The following WWOX variants were observed in gnomAD, a reference collection of about 807,000 sequenced individuals.
WWOX encodes WW domain containing oxidoreductase.
In WWOX, 69 loss-of-function variants were observed where a neutral mutation model predicts 46.2. The observed-to-expected ratio is 1.49, with a 90% CI of 1.23 to 1.82. The LOEUF (loss-of-function observed/expected upper bound fraction) is 1.82. Ranked by LOEUF, WWOX falls within the 40% of genes most tolerant of loss-of-function variation. The pLI is 0.00. For missense variants in WWOX, 919 were observed against 542.6 expected (o/e 1.69, Z -6.89); for synonymous variants, 359 against 202.6 (o/e 1.77, Z -6.56).
At chr16:78,206,192 A>G (rs1208147759) in intron 5 of WWOX, among the ~76,000 whole-genome samples, 2 of 152,160 alleles carry the variant, frequency 1.3e-5, no homozygotes, top group African/African-American at 2.4e-5. Flanking sequence ...AGTATGATAT[A>G]ATAACAGCTA....
At chr16:78,955,690 G>A (rs954249389) in intron 8 of WWOX, among the ~76,000 whole-genome samples, 4 of 148,106 alleles carry the variant, frequency 2.7e-5, no homozygotes, top group Non-Finnish European at 5.9e-5. Context: ...TTGCTCTATT[G>A]CCCAGGCTGG....
chr16:78,623,524 A>G (rs1597362912), intron 8 of WWOX, among the ~76,000 whole-genome samples: 1 of 152,108 alleles, frequency 6.6e-6, no homozygotes, highest in South Asian at 2.1e-4. Flanking sequence ...TACTAAAAAT[A>G]CAAAAATCAG....
chr16:78,777,091 A>T (rs1242500085), intron 8 of WWOX, among the ~76,000 whole-genome samples: 1 of 152,210 alleles, frequency 6.6e-6, no homozygotes, highest in African/African-American at 2.4e-5. Context: ...AATGAAGTTT[A>T]GGTCAGAAAA....
chr16:78,580,056 G>C (rs913940558), intron 8 of WWOX, among the ~76,000 whole-genome samples: 1 of 151,138 alleles, frequency 6.6e-6, no homozygotes, highest in Non-Finnish European at 1.5e-5. Flanking sequence ...CATGTTTGCT[G>C]TTTTCTTTGA....
rs1261372019 is a variant in WWOX, at chr16:78,342,775, G to C, written c.517-44085G>C. On this transcript the variant is annotated intron_variant, in intron 5 of 8. Coordinates refer to ENST00000566780, the MANE Select transcript of WWOX (RefSeq NM_016373.4). ...GGTTTGAAAGGGTACCTAAAAACAA[G>C]CCACCAGATTGTCCCATTCCACTAT... Among the ~76,000 whole-genome samples, 5 of 120,682 alleles carry C rather than the reference G, an allele frequency of 4.1e-5. 2 individuals are homozygous for C. The highest frequency in any genetic ancestry group is 4.0e-5 in the Non-Finnish European group (2 of 50,442). The allele number at this position is 120,682 out of a possible 152,430, so 79.2% of individuals were successfully genotyped here.
At chr16:78,431,843 A>T (rs939668222) in intron 7 of WWOX, among the ~76,000 whole-genome samples, 1 of 151,848 alleles carries the variant, frequency 6.6e-6, no homozygotes, top group African/African-American at 2.4e-5. Context: ...CAGCCCCCCA[A>T]GTAGCTGGGA....
At chr16:78,907,079 C>G (rs2044984542) in intron 8 of WWOX, among the ~76,000 whole-genome samples, 1 of 151,952 alleles carries the variant, frequency 6.6e-6, no homozygotes, top group African/African-American at 2.4e-5. Context: ...GAGACTGGAG[C>G]TTTATTGTTA....
chr16:78,739,271 CT>C (rs1245136867), intron 8 of WWOX, among the ~76,000 whole-genome samples: 3 of 152,160 alleles, frequency 2.0e-5, no homozygotes, highest in Non-Finnish European at 4.4e-5. Context: ...TGGAAGGGTG[CT>C]TGTTCAGCTT....
intron 5 of WWOX, among the ~76,000 whole-genome samples, chr16:78,258,186 T>A (rs2038180961): frequency 6.6e-6 from 1 of 152,208 alleles, no homozygotes; most frequent in African/African-American, 2.4e-5. Context: ...TTAAAAATCA[T>A]ATTAGCCACT....
chr16:78,855,623 C>A (rs978369723), intron 8 of WWOX, among the ~76,000 whole-genome samples: 1 of 152,170 alleles, frequency 6.6e-6, no homozygotes. Context: ...CTAGAGCTAA[C>A]CGAAGAGGGA....
At position 78,911,284 on chromosome 16, in the gene WWOX, C is replaced by A. The variant is rs143483037; in HGVS notation, c.1057-300324C>A. On this transcript the variant is annotated intron_variant, in intron 8 of 8. Coordinates refer to ENST00000566780, the MANE Select transcript of WWOX (RefSeq NM_016373.4). ...TTTTTTGTCATAACTACCTTGCTTG[C>A]CTATGGGACATGTTCCCATTTCAGT... 5.0e-3 allele frequency among the ~76,000 whole-genome samples: 754 copies of A among 152,166 alleles called. 6 individuals carry two copies. The highest frequency in any genetic ancestry group is 0.017 in the African/African-American group (719 of 41,562).
At chr16:78,237,525 T>G (rs530886070) in intron 5 of WWOX, 39 of 152,250 alleles carry the variant, frequency 2.6e-4, no homozygotes, top group African/African-American at 9.4e-4. Context: ...GGTCCCACTC[T>G]GGGGAATCAC....
intron 5 of WWOX, among the ~76,000 whole-genome samples, chr16:78,258,105 A>G (rs2038179700): frequency 6.6e-6 from 1 of 152,164 alleles, no homozygotes; most frequent in South Asian, 2.1e-4. Flanking sequence ...TCTCCCTATA[A>G]TTAAAAATAT....
intron 8 of WWOX, among the ~76,000 whole-genome samples, chr16:79,201,266 A>G (rs2051344307): frequency 6.6e-6 from 1 of 151,890 alleles, no homozygotes; most frequent in South Asian, 2.1e-4. Context: ...AAGAGATGAT[A>G]TTGATTCTCA....
At chr16:78,169,892 A>G (rs546127217) in intron 5 of WWOX, among the ~76,000 whole-genome samples, 39 of 152,292 alleles carry the variant, frequency 2.6e-4, no homozygotes, top group African/African-American at 9.1e-4. Context: ...CAGAGAGTGC[A>G]GAAGAGCTTC....
At chr16:78,575,497 G>A (rs556926857) in intron 8 of WWOX, among the ~76,000 whole-genome samples, 2 of 152,074 alleles carry the variant, frequency 1.3e-5, no homozygotes, top group African/African-American at 4.8e-5. Context: ...AGGACAAGAA[G>A]GCACAAATCG....
intron 8 of WWOX, among the ~76,000 whole-genome samples, chr16:78,671,211 C>T (rs1054307857): frequency 2.0e-5 from 3 of 152,076 alleles, no homozygotes; most frequent in African/African-American, 7.2e-5. Context: ...TCACTTCAAC[C>T]CAGGAGTTCG....
chr16:78,933,911 G>C (rs919371424), intron 8 of WWOX, among the ~76,000 whole-genome samples: 3 of 152,112 alleles, frequency 2.0e-5, no homozygotes, highest in African/African-American at 7.2e-5. Flanking sequence ...CATAACTATA[G>C]CTGGGTGAAG....
At chr16:78,729,258 C>T (rs539553501) in intron 8 of WWOX, among the ~76,000 whole-genome samples, 1 of 151,846 alleles carries the variant, frequency 6.6e-6, no homozygotes, top group African/African-American at 2.4e-5. Context: ...GGGAGGATTG[C>T]TTAAGCCTGG....
Sources: gnomAD v4.1 joint callset for allele counts (sites outside exome capture counted in the v4.1 genomes callset) on GRCh38, gnomAD v4.1.1 for gene constraint, MANE v1.5 for transcripts, NCBI Gene and HGNC (gene_info 2026-07-23, HGNC 2026-07-21) for gene names.